The following YTHDC2 variants were observed in gnomAD, a reference collection of about 807,000 sequenced individuals.
YTHDC2 encodes the protein 3'-5' RNA helicase YTHDC2.
YTHDC2 carries 45 observed loss-of-function variants against 174.9 expected under a neutral mutation model. The ratio of observed to expected loss-of-function variants is 0.26; its 90% CI spans 0.20 to 0.33. The LOEUF is 0.33. Among genes scored for constraint, YTHDC2 ranks in the 10% least tolerant of loss-of-function variants. YTHDC2 has a pLI of 1.00. For synonymous variants in YTHDC2, 657 were observed against 574.5 expected (o/e 1.14, Z -2.05); for missense variants, 1,650 against 1,723.7 (o/e 0.96, Z 0.76).
intron 5 of YTHDC2, among the ~76,000 whole-genome samples, chr5:113,533,252 T>G (rs1412123179): frequency 6.6e-6 from 1 of 152,050 alleles, no homozygotes; most frequent in Non-Finnish European, 1.5e-5. Context: ...AGATAAAAAT[T>G]CCATTTCAGG....
chr5:113,589,924 T>A (rs1778918703), intron 26 of YTHDC2, among the ~76,000 whole-genome samples: 1 of 152,202 alleles, frequency 6.6e-6, no homozygotes, highest in South Asian at 2.1e-4. Context: ...CTTTTCTTTC[T>A]GTTTTGTCTT....
intron 21 of YTHDC2, among the ~76,000 whole-genome samples, chr5:113,566,299 A>G (rs754224094): frequency 4.6e-5 from 7 of 152,180 alleles, no homozygotes; most frequent in Non-Finnish European, 1.0e-4. Context: ...GTTGGCAGAG[A>G]TCAATTTAGA....
chr5:113,589,408 A>AAAATATATATATATATAT (rs368975720), intron 26 of YTHDC2, among the ~76,000 whole-genome samples: 14 of 123,258 alleles, frequency 1.1e-4, no homozygotes, highest in African/African-American at 2.7e-4. Flanking sequence ...AAAAAAAAAA[A>AAAATATATATATATATAT]ATATATATAT....
intron 22 of YTHDC2, 27 bp from the exon 23 acceptor site, chr5:113,567,627 A>G (rs778658530): frequency 6.5e-7 from 1 of 1,536,402 alleles, no homozygotes; most frequent in African/African-American, 1.4e-5. Flanking sequence ...CACAATTAAC[A>G]ATTTTTAAAA....
At chr5:113,548,698 A>G (rs1776050993) in intron 11 of YTHDC2, 31 bp downstream of exon 11, 2 of 1,587,334 alleles carry the variant, frequency 1.3e-6, no homozygotes, top group Non-Finnish European at 1.7e-6. Context: ...TTCTTCATAT[A>G]TCTTTGTATA....
At chr5:113,517,615 C>A (rs1023915781) in intron 2 of YTHDC2, 1 of 456,284 alleles carries the variant, frequency 2.2e-6, no homozygotes, top group African/African-American at 2.0e-5. Context: ...CAAGGCAATC[C>A]TGCCTATTTA....
intron 23 of YTHDC2, among the ~76,000 whole-genome samples, chr5:113,576,434 T>A (rs1778049873): frequency 1.3e-5 from 2 of 152,176 alleles, no homozygotes; most frequent in African/African-American, 4.8e-5. Context: ...GTGTGTCCTT[T>A]TGCTTTAATT....
intron 12 of YTHDC2, among the ~76,000 whole-genome samples, chr5:113,552,137 A>G (rs1398742449): frequency 6.6e-6 from 1 of 152,140 alleles, no homozygotes; most frequent in Non-Finnish European, 1.5e-5. Context: ...AAGAAAATAT[A>G]AATGATAGCT....
chr5:113,537,232 T>A (rs1000115797), intron 7 of YTHDC2, among the ~76,000 whole-genome samples: 3 of 152,208 alleles, frequency 2.0e-5, no homozygotes, highest in African/African-American at 7.2e-5. Context: ...TTCTGAAGTG[T>A]ATAAGGCTAT....
intron 4 of YTHDC2, among the ~76,000 whole-genome samples, chr5:113,528,265 A>G (rs1774414034): frequency 6.6e-6 from 1 of 152,324 alleles, no homozygotes; most frequent in Admixed American, 6.5e-5. Flanking sequence ...TTTAATTCGT[A>G]AATATTATAC....
chr5:113,544,357 G>A (rs1344799629), intron 10 of YTHDC2, among the ~76,000 whole-genome samples: 1 of 151,942 alleles, frequency 6.6e-6, no homozygotes, highest in East Asian at 1.9e-4. Context: ...CACCATGTTG[G>A]CCAGGATGGT....
chr5:113,581,537 G>A lies in YTHDC2; in HGVS notation c.3475G>A (p.Val1159Ile). The change falls in exon 25 of 30, where the codon GTT (valine) becomes ATT (isoleucine). Residue 1159 changes from valine (V) to isoleucine (I), a missense_variant. By Grantham distance (29) the Val-to-Ile change is conservative. This residue lies in a region of YTHDC2 where 913 missense variants were observed against 940.4 expected (regional missense o/e 0.97). Transcript: ENST00000161863. ...DEATIRAIIA[V>I]LSTEEQSAGL... ...AGCTACCATAAGAGCAATTATAGCT[G>A]TTTTAAGCACTGAAGAACAGTCTGC... 2 of 1,614,030 alleles carry A rather than the reference G, an allele frequency of 1.2e-6. No individual in the cohort carries two copies. Among genetic ancestry groups the A allele is most frequent in the Non-Finnish European group, 1.7e-6 (2 of 1,179,904 alleles).
chr5:113,588,128 A>G (rs1459384880), intron 26 of YTHDC2, among the ~76,000 whole-genome samples: 1 of 152,086 alleles, frequency 6.6e-6, no homozygotes, highest in Non-Finnish European at 1.5e-5. Flanking sequence ...TAATTCTATT[A>G]GCTTTTTATG....
At chr5:113,581,061 C>T (rs1778374801) in intron 24 of YTHDC2, among the ~76,000 whole-genome samples, 1 of 152,260 alleles carries the variant, frequency 6.6e-6, no homozygotes, top group Non-Finnish European at 1.5e-5. Flanking sequence ...GTGAATCCAG[C>T]TGCCTTCAGG....
rs1336423337 is a variant in YTHDC2 at position 113,581,624 on chromosome 5, C to T, written c.3562C>T (p.Pro1188Ser). 6.2e-7 allele frequency: 1 copy of T among 1,613,354 alleles called. No homozygotes were observed. The highest frequency in any genetic ancestry group is 1.3e-5 in the African/African-American group (1 of 74,996). Residue 1188 changes from proline (P) to serine (S), a missense_variant, in exon 25 of 30, where the codon CCT becomes TCT. Physicochemically the swap from Pro to Ser is moderately conservative, Grantham distance 74. Coordinates refer to ENST00000161863, the MANE Select transcript of YTHDC2 (RefSeq NM_022828.5). ...AAGGCCTATGTCTTCAGAAGAGCTT[C>T]CTTTGGCCTCATCTTGGAGGTCAAA... ...RPRPMSSEELPLASSWRSNNS... is the reference protein window; with the variant it reads ...RPRPMSSEELSLASSWRSNNS...
chr5:113,592,599 T>G (rs1779067749), intron 28 of YTHDC2: 1 of 152,742 alleles, frequency 6.5e-6, no homozygotes, highest in Non-Finnish European at 1.5e-5. Context: ...GATTAAATTA[T>G]TAGTCCAATT....
In YTHDC2 at chr5:113,594,912, A is replaced by G. The variant is rs1181435235; in HGVS notation, c.*1438A>G. 1 of 152,182 alleles carries G rather than the reference A, an allele frequency of 6.6e-6. No individual in the cohort carries two copies. Among genetic ancestry groups the G allele is most frequent in the Non-Finnish European group, 1.5e-5 (1 of 68,028 alleles). 9.4% of individuals were successfully genotyped at this position (152,182 alleles called of 1,614,324 possible). On this transcript the variant is annotated 3_prime_UTR_variant, in exon 30 of 30. Transcript: ENST00000161863. Reference sequence around the variant, plus strand: ...GGTGCATTAGTTTAGAAAGTCAGCTATGATTTTGCCTATAGTTCTAGTTAT... The same window carrying G: ...GGTGCATTAGTTTAGAAAGTCAGCTGTGATTTTGCCTATAGTTCTAGTTAT...
chr5:113,579,730 T>G (rs201102159), intron 24 of YTHDC2, 35 bp downstream of exon 24: 1 of 1,559,954 alleles, frequency 6.4e-7, no homozygotes. Context: ...TAAATTTCTT[T>G]CATTCAGTTA....
chr5:113,568,717 T>C (rs143024277), intron 23 of YTHDC2, among the ~76,000 whole-genome samples: 136 of 152,344 alleles, frequency 8.9e-4, no homozygotes, highest in African/African-American at 3.0e-3. Flanking sequence ...TTCCTTTTTA[T>C]GGCTGCATAG....
Sources: gnomAD v4.1 joint callset for allele counts (sites outside exome capture counted in the v4.1 genomes callset) on GRCh38, gnomAD v4.1.1 for gene constraint, gnomAD v4.1.1 regional missense constraint, MANE v1.5 for transcripts, NCBI Gene and HGNC (gene_info 2026-07-23, HGNC 2026-07-21) for gene names.